ANKRD11: variants seen among roughly 807,000 people sequenced by gnomAD.
ANKRD11 encodes ankyrin repeat domain-containing protein 11.
ANKRD11 carries 17 observed loss-of-function variants against 195.7 expected under a neutral mutation model. The observed-to-expected ratio is 0.09, with a 90% confidence interval of 0.06 to 0.13. The LOEUF is 0.13. ANKRD11 is among the 10% of genes least tolerant of loss of function. The pLI is 1.00. For missense variants in ANKRD11, 3,735 were observed against 3,566.1 expected (o/e 1.05, Z -1.21); for synonymous variants, 1,953 against 1,528.1 (o/e 1.28, Z -6.49).
chr16:89,297,115 G>A (rs1036971978), intron 4 of ANKRD11, among the ~76,000 whole-genome samples: 2 of 152,222 alleles, frequency 1.3e-5, no homozygotes, highest in African/African-American at 4.8e-5. Context: ...CCCCAGGGAC[G>A]TGGAGGTGTG....
chr16:89,415,829 C>CAAAAAAAAAAAAAAAAAAAAAAAAAAA lies in ANKRD11; in HGVS notation c.-60+2454_-60+2455insTTTTTTTTTTTTTTTTTTTTTTTTTTT, dbSNP rs71134220. On this transcript the variant is annotated intron_variant, in intron 2 of 12. Transcript: ENST00000301030. ...TGCACAACAAAGCTAGACTCTGTCT[C>CAAAAAAAAAAAAAAAAAAAAAAAAAAA]AAAAAAAAAAAAAAAAAAAAACAAT... 4.2e-3 allele frequency among the ~76,000 whole-genome samples: 168 copies of CAAAAAAAAAAAAAAAAAAAAAAAAAAA among 39,712 alleles called. 17 individuals are homozygous for CAAAAAAAAAAAAAAAAAAAAAAAAAAA. Among genetic ancestry groups the CAAAAAAAAAAAAAAAAAAAAAAAAAAA allele is most frequent in the East Asian group, 6.3e-3 (7 of 1,106 alleles). The allele number at this position is 39,712 out of a possible 152,430, so 26.1% of individuals were successfully genotyped here. A position where few individuals can be genotyped will look rare whatever the true frequency, so the allele number is the denominator to read the frequency against.
chr16:89,316,853 A>G (rs2036988306), intron 3 of ANKRD11, 80 bp downstream of exon 3: 4 of 1,522,774 alleles, frequency 2.6e-6, no homozygotes, highest in Non-Finnish European at 3.6e-6. Flanking sequence ...AGAACAGGCC[A>G]CAGGCGGGCA....
chr16:89,347,522 A>C (rs1471123371), intron 2 of ANKRD11, among the ~76,000 whole-genome samples: 1 of 151,636 alleles, frequency 6.6e-6, no homozygotes, highest in African/African-American at 2.4e-5. Context: ...GAGGCAGGAG[A>C]ATGGCGTGAA....
intron 2 of ANKRD11, among the ~76,000 whole-genome samples, chr16:89,354,029 G>C (rs1315036197): frequency 6.6e-6 from 1 of 152,082 alleles, no homozygotes; most frequent in African/African-American, 2.4e-5. Flanking sequence ...TAATTGATGG[G>C]AGCCAGAGCA....
At chr16:89,475,051 G>A (rs1178945331) in intron 1 of ANKRD11, among the ~76,000 whole-genome samples, 5 of 152,194 alleles carry the variant, frequency 3.3e-5, no homozygotes, top group Admixed American at 6.5e-5. Flanking sequence ...GGTGGCAGCC[G>A]GGACTTCCAC....
intron 4 of ANKRD11, chr16:89,298,033 A>T (rs1300222882): frequency 6.2e-5 from 4 of 64,034 alleles, no homozygotes; most frequent in Admixed American, 1.8e-4. Flanking sequence ...GGGGTGGGGT[A>T]GGGGTAGGGT....
Position 89,342,509 on chromosome 16 carries a change from G to A in ANKRD11, c.-59-25431C>T, listed in dbSNP as rs140736451. Among the ~76,000 whole-genome samples, 239 of 152,368 alleles carry A rather than the reference G, an allele frequency of 1.6e-3. 2 individuals carry two copies. The highest frequency in any genetic ancestry group is 0.014 in the Middle Eastern group (4 of 294). ...GAGGAACGGGCAGGGAGAGGCCAGC[G>A]TGAACTCGCTGCGGCCTGCGTGGCT... On this transcript the variant is annotated intron_variant, in intron 2 of 12. Transcript: ENST00000301030.
chr16:89,299,497 G>C (rs1361171367), intron 4 of ANKRD11: 1 of 188,290 alleles, frequency 5.3e-6, no homozygotes, highest in Non-Finnish European at 1.1e-5. Context: ...TCTGTGCCCT[G>C]TGTGGGGTGC....
At chr16:89,413,874 T>TG (rs1226585651) in intron 2 of ANKRD11, among the ~76,000 whole-genome samples, 3 of 152,136 alleles carry the variant, frequency 2.0e-5, no homozygotes, top group Admixed American at 6.5e-5. Flanking sequence ...AAGGCCAGAC[T>TG]GGGGGGAGGC....
Position 89,281,131 on chromosome 16 carries a change from C to G in ANKRD11, c.5411G>C (p.Ser1804Thr), listed in dbSNP as rs1420284743. The change falls in exon 9 of 13, where the codon AGC becomes ACC. Residue 1804 changes from serine (S) to threonine (T), a missense_variant. By Grantham distance (58) the Ser-to-Thr change is moderately conservative. Transcript: ENST00000301030. The surrounding 1 kb of genome is among the most constrained non-coding windows in gnomAD (Gnocchi z 5.5). ...CTGCCTGAAGAGCTTGTCTCCGACG[C>G]TGAATTCTTCCTCGGGGGTCCTCCT... ...DIRRTPEEEFSVGDKLFRQQS... is the reference protein window; with the variant it reads ...DIRRTPEEEFTVGDKLFRQQS... 18 of 1,613,054 alleles carry G rather than the reference C, an allele frequency of 1.1e-5. No homozygotes were observed. Among genetic ancestry groups the G allele is most frequent in the Admixed American group, 1.7e-5 (1 of 59,986 alleles).
intron 1 of ANKRD11, among the ~76,000 whole-genome samples, chr16:89,426,529 TCACACACACACACACACACACA>T (rs55664494): frequency 4.9e-5 from 7 of 142,258 alleles, no homozygotes; most frequent in African/African-American, 1.3e-4. Flanking sequence ...CACTTAAACA[TCACACACACACACACACACACA>T]CACACACACA....
intron 1 of ANKRD11, among the ~76,000 whole-genome samples, chr16:89,481,687 T>C (rs538139341): frequency 1.3e-5 from 2 of 152,312 alleles, no homozygotes; most frequent in Admixed American, 6.5e-5. Flanking sequence ...AGGTCTATCA[T>C]TGCAAACCCT....
intron 1 of ANKRD11, among the ~76,000 whole-genome samples, chr16:89,451,357 C>A (rs2044063213): frequency 6.6e-6 from 1 of 150,964 alleles, no homozygotes; most frequent in African/African-American, 2.4e-5. Flanking sequence ...AGGGATCTTA[C>A]TGAAGTGCCA....
chr16:89,283,868 T>A lies in ANKRD11; in HGVS notation c.2674A>T (p.Ser892Cys). The A allele has an allele frequency of 6.2e-7, 1 of 1,614,184 alleles. No individual in the cohort carries two copies. Among genetic ancestry groups the A allele is most frequent in the South Asian group, 1.1e-5 (1 of 91,088 alleles). Residue 892 changes from serine to cysteine, a missense_variant, in exon 9 of 13, where the codon AGC becomes TGC. Physicochemically the swap from Ser to Cys is moderately radical, Grantham distance 112 (BLOSUM62 -1). Coordinates refer to ENST00000301030, the MANE Select transcript of ANKRD11 (RefSeq NM_013275.6). This position sits in a 1 kb window ranked among gnomAD's most constrained non-coding sequence, Gnocchi z 4.3. ...KEDSKERRRD[S>C]RAREKRDYRE... ...TAGTCTCGCTTCTCCCGGGCCCGGCTGTCCCGCCTCCTCTCCTTGCTGTCC... is the reference window on the plus strand; with the variant it reads ...TAGTCTCGCTTCTCCCGGGCCCGGCAGTCCCGCCTCCTCTCCTTGCTGTCC...
chr16:89,447,436 T>C (rs1204843662), intron 1 of ANKRD11, among the ~76,000 whole-genome samples: 1 of 152,090 alleles, frequency 6.6e-6, no homozygotes, highest in Non-Finnish European at 1.5e-5. Flanking sequence ...ACCACACAGC[T>C]AACACCCAAA....
intron 1 of ANKRD11, among the ~76,000 whole-genome samples, chr16:89,455,695 G>T (rs1337329022): frequency 6.6e-6 from 1 of 152,150 alleles, no homozygotes; most frequent in Non-Finnish European, 1.5e-5. Context: ...CATCCTTGGA[G>T]ACAGCAGCCC....
At chr16:89,428,332 T>C (rs183816665) in intron 1 of ANKRD11, among the ~76,000 whole-genome samples, 146 of 152,204 alleles carry the variant, frequency 9.6e-4, no homozygotes, top group African/African-American at 3.4e-3. Flanking sequence ...GAGACCATCC[T>C]GGCCAACACG....
chr16:89,467,151 G>T (rs2056913392), intron 1 of ANKRD11, among the ~76,000 whole-genome samples: 1 of 152,152 alleles, frequency 6.6e-6, no homozygotes, highest in Non-Finnish European at 1.5e-5. Context: ...CTGCAATCAG[G>T]CCAGGAGCGG....
At chr16:89,376,655 T>C (rs1169092934) in intron 2 of ANKRD11, among the ~76,000 whole-genome samples, 1 of 152,176 alleles carries the variant, frequency 6.6e-6, no homozygotes. Context: ...GCCAGGCTGG[T>C]CTCAAACTTC....
Sources: allele counts gnomAD v4.1 joint callset (sites outside exome capture counted in the v4.1 genomes callset), GRCh38; gene constraint gnomAD v4.1.1; non-coding constraint Gnocchi (gnomAD v3.1); transcripts MANE v1.5; gene names NCBI Gene and HGNC (gene_info 2026-07-23, HGNC 2026-07-21).